The following GINM1 variants were observed in gnomAD, a reference collection of about 807,000 sequenced individuals.
GINM1 encodes the protein glycoprotein integral membrane protein 1.
GINM1 carries 29 observed loss-of-function variants against 37.8 expected under a neutral mutation model. That is an observed-to-expected ratio of 0.77 (90% confidence interval 0.57 to 1.05). GINM1 has a LOEUF of 1.05. Among genes scored for constraint, GINM1 ranks in the 50% least tolerant of loss-of-function variants. GINM1 has a pLI of 0.00. For synonymous variants in GINM1, 143 were observed against 146.2 expected, an observed-to-expected ratio of 0.98 and a Z score of 0.16; for missense variants, 377 against 397.9, an observed-to-expected ratio of 0.95 and a Z score of 0.45.
intron 1 of GINM1, 32 bp from the exon 2 acceptor site, chr6:149,572,253 A>G: frequency 7.2e-7 from 1 of 1,390,860 alleles, no homozygotes; most frequent in Non-Finnish European, 1.0e-6. Flanking sequence ...TGAGATGCAC[A>G]CCTTCCAATT....
intron 3 of GINM1, among the ~76,000 whole-genome samples, chr6:149,574,425 T>C (rs1777882850): frequency 6.6e-6 from 1 of 152,160 alleles, no homozygotes; most frequent in Non-Finnish European, 1.5e-5. Flanking sequence ...TACTGATACA[T>C]TTGGATTTAA....
Position 149,580,708 on chromosome 6 carries a change from G to A in GINM1, c.702G>A (p.Pro234=), listed in dbSNP as rs181189144. ...CTGAAACTCCTCTCAGAGCAGAGCC[G>A]CCATCTTCATATAAGGTAAATCAAG... is the stretch of plus-strand genomic sequence containing the variant. ...KLPETPLRAE[P]PSSYKVMCQW... Residue 234 remains proline (P), a synonymous_variant, in exon 6 of 8, where the codon CCG becomes CCA. Transcript: ENST00000367419. 2.9e-5 allele frequency: 46 copies of A among 1,613,116 alleles called. No individual in the cohort carries two copies. The highest frequency in any genetic ancestry group is 1.3e-4 in the East Asian group (6 of 44,800).
At chr6:149,576,803 G>A (rs895034224) in intron 3 of GINM1, among the ~76,000 whole-genome samples, 24 of 152,126 alleles carry the variant, frequency 1.6e-4, no homozygotes, top group Non-Finnish European at 2.9e-4. Context: ...ATTTTATGCT[G>A]TATTAGAGGT....
intron 7 of GINM1, among the ~76,000 whole-genome samples, chr6:149,583,606 G>GA (rs1778031658): frequency 6.8e-6 from 1 of 146,446 alleles, no homozygotes; most frequent in Non-Finnish European, 1.5e-5. Context: ...TCCAGCCTGG[G>GA]AAACGAGCAA....
Position 149,566,623 on chromosome 6 carries a change from C to T in GINM1, c.120+89C>T. 7.3e-7 allele frequency: 1 copy of T among 1,368,166 alleles called. No homozygotes were observed. The highest frequency in any genetic ancestry group is 1.5e-5 in the African/African-American group (1 of 65,598). 84.8% of individuals were successfully genotyped at this position (1,368,166 alleles called of 1,614,324 possible). A position where few individuals can be genotyped will look rare whatever the true frequency, so the allele number is the denominator to read the frequency against. On this transcript the variant is annotated intron_variant, in intron 1 of 7. Transcript: ENST00000367419. The surrounding 1 kb of genome is among the most constrained non-coding windows in gnomAD (Gnocchi z 4.4). ...CCACAGTGACGCTTCCCACATCCCA[C>T]CGGCGGGCAGGGGCGGGGGTCCGGG... is the stretch of plus-strand genomic sequence containing the variant.
In GINM1 at chr6:149,589,149, A is replaced by G. The variant is rs529172134; in HGVS notation, c.882-1578A>G. Among the ~76,000 whole-genome samples the G allele has an allele frequency of 2.7e-5, 4 of 149,556 alleles. No individual in the cohort carries two copies. In the South Asian group the frequency reaches 8.5e-4, roughly 32 times the overall value. ...TTTTGTGTAGAGACAGGGTCTCACT[A>G]TGTTGCCCAGGCTGGACTCCTTGGG... On this transcript the variant is annotated intron_variant, in intron 7 of 7. Coordinates refer to ENST00000367419, the MANE Select transcript of GINM1 (RefSeq NM_138785.5).
chr6:149,589,507 A>G (rs1159632802), intron 7 of GINM1, among the ~76,000 whole-genome samples: 2 of 152,012 alleles, frequency 1.3e-5, no homozygotes, highest in African/African-American at 2.4e-5. Flanking sequence ...TCCTGACCTC[A>G]GGTGATCCAC....
rs35334853 is a variant in GINM1 at position 149,572,078 on chromosome 6, A to AAAATAAAT, written c.121-188_121-181dup. ...CCTGGCGACAAAGTGAGACTCTCAA[A>AAAATAAAT]AAATAAATAAATAAATAAATAAATA... is the stretch of plus-strand genomic sequence containing the variant. On this transcript the variant is annotated intron_variant, in intron 1 of 7. Transcript: ENST00000367419. Among the ~76,000 whole-genome samples the AAAATAAAT allele has an allele frequency of 9.6e-3, 1,450 of 150,268 alleles. 20 individuals carry two copies. Among genetic ancestry groups the AAAATAAAT allele is most frequent in the African/African-American group, 0.031 (1,253 of 40,954 alleles).
intron 3 of GINM1, among the ~76,000 whole-genome samples, chr6:149,574,182 C>T (rs943682829): frequency 6.6e-6 from 1 of 151,586 alleles, no homozygotes; most frequent in African/African-American, 2.4e-5. Flanking sequence ...TCCCGAGTAG[C>T]TTGGATTACA....
At position 149,577,859 on chromosome 6, in the gene GINM1, C is replaced by T. The variant is rs565404884; in HGVS notation, c.278-963C>T. On this transcript the variant is annotated intron_variant, in intron 3 of 7. Coordinates refer to ENST00000367419, the MANE Select transcript of GINM1 (RefSeq NM_138785.5). The stretch of plus-strand genomic sequence containing the variant: ...AGCACTTCTACCTTAATAGAGTAGC[C>T]GTTGGCTCTGTAAACCAGCTGCAGC... Among the ~76,000 whole-genome samples the T allele has an allele frequency of 2.6e-5, 4 of 152,230 alleles. No homozygotes were observed. In the East Asian group the frequency reaches 5.8e-4, roughly 22 times the overall value.
intron 7 of GINM1, among the ~76,000 whole-genome samples, chr6:149,586,578 G>C (rs987539604): frequency 4.6e-5 from 7 of 152,240 alleles, no homozygotes; most frequent in Non-Finnish European, 8.8e-5. Flanking sequence ...GTAACCTCAA[G>C]GTAATATTAC....
chr6:149,590,433 T>TC (rs1283931913), intron 7 of GINM1, among the ~76,000 whole-genome samples: 1 of 152,198 alleles, frequency 6.6e-6, no homozygotes, highest in East Asian at 1.9e-4. Flanking sequence ...GGCTTTTTGC[T>TC]CAGCCTGGGT....
Position 149,570,172 on chromosome 6 carries a change from AT to A in GINM1, c.121-2112del, listed in dbSNP as rs1174058719. On this transcript the variant is annotated intron_variant, in intron 1 of 7. Transcript: ENST00000367419. ...TATATATATATATATATATATATAT[AT>A]ATATATATATATATATATATATATA... Among the ~76,000 whole-genome samples, 6 of 86,916 alleles carry A rather than the reference AT, an allele frequency of 6.9e-5. 1 individual carries two copies. Among genetic ancestry groups the A allele is most frequent in the Non-Finnish European group, 1.2e-4 (5 of 43,190 alleles). 57.0% of individuals were successfully genotyped at this position (86,916 alleles called of 152,430 possible). A position where few individuals can be genotyped will look rare whatever the true frequency, so the allele number is the denominator to read the frequency against.
intron 3 of GINM1, among the ~76,000 whole-genome samples, chr6:149,578,505 G>C (rs369799799): frequency 1.6e-5 from 2 of 126,808 alleles, no homozygotes; most frequent in African/African-American, 6.2e-5. Context: ...CAGCCTGGGC[G>C]ACAGAGCAAG....
At chr6:149,579,431 C>G (rs1292089680) in intron 4 of GINM1, among the ~76,000 whole-genome samples, 4 of 152,196 alleles carry the variant, frequency 2.6e-5, no homozygotes, top group Admixed American at 2.6e-4. Flanking sequence ...TGGCTCACAC[C>G]TGTAATCCCA....
chr6:149,571,654 G>A (rs1582731851), intron 1 of GINM1, among the ~76,000 whole-genome samples: 1 of 152,244 alleles, frequency 6.6e-6, no homozygotes, highest in East Asian at 1.9e-4. Flanking sequence ...ATCATGCAGA[G>A]CCTGCCAAGG....
intron 6 of GINM1, among the ~76,000 whole-genome samples, chr6:149,581,041 A>C (rs867981839): frequency 2.6e-5 from 4 of 152,278 alleles, no homozygotes; most frequent in Non-Finnish European, 4.4e-5. Flanking sequence ...ACACATATGC[A>C]TTGTGCCCCC....
At position 149,567,576 on chromosome 6, in the gene GINM1, G is replaced by A. The variant is rs191130200; in HGVS notation, c.120+1042G>A. ...GAATTGCTTGAACCCGGGAGGCAGA[G>A]GTTGCAGTGAGCCGAGATCGTGCCA... is the stretch of plus-strand genomic sequence containing the variant. On this transcript the variant is annotated intron_variant, in intron 1 of 7. Coordinates refer to ENST00000367419, the MANE Select transcript of GINM1 (RefSeq NM_138785.5). 4.1e-3 allele frequency among the ~76,000 whole-genome samples: 625 copies of A among 152,290 alleles called. 3 individuals carry two copies. Among genetic ancestry groups the A allele is most frequent in the African/African-American group, 0.014 (596 of 41,552 alleles).
At position 149,584,826 on chromosome 6, in the gene GINM1, T is replaced by TAGAGAGAG. The variant is rs138596800; in HGVS notation, c.881+2235_881+2242dup. The stretch of plus-strand genomic sequence containing the variant: ...AAATATTTATAAATGTATATATATA[T>TAGAGAGAG]AGAGAGAGAGAGAGAGAGACACGGG... On this transcript the variant is annotated intron_variant, in intron 7 of 7. Coordinates refer to ENST00000367419, the MANE Select transcript of GINM1 (RefSeq NM_138785.5). 2.2e-3 allele frequency among the ~76,000 whole-genome samples: 319 copies of TAGAGAGAG among 148,274 alleles called. 3 individuals are homozygous for TAGAGAGAG. The highest frequency in any genetic ancestry group is 7.5e-3 in the African/African-American group (306 of 40,668).
Sources: allele counts gnomAD v4.1 joint callset (sites outside exome capture counted in the v4.1 genomes callset), GRCh38; gene constraint gnomAD v4.1.1; non-coding constraint Gnocchi (gnomAD v3.1); transcripts MANE v1.5; gene names NCBI Gene and HGNC (gene_info 2026-07-23, HGNC 2026-07-21).